TRPC5: variants seen among roughly 807,000 people sequenced by gnomAD.
TRPC5 encodes short transient receptor potential channel 5.
Under a neutral mutation model 56.5 loss-of-function variants are expected in TRPC5, and 9 were observed. The ratio of observed to expected loss-of-function variants is 0.16; its 90% confidence interval spans 0.10 to 0.28. The LOEUF is 0.28. Ranked by LOEUF, TRPC5 falls within the 10% of genes least tolerant of loss-of-function variation. The probability of loss-of-function intolerance (pLI) is 1.00; values close to 1 mark genes in which losing one functional copy is unlikely to be tolerated. For synonymous variants in TRPC5, 282 were observed against 278.5 expected, an observed-to-expected ratio of 1.01 and a Z score of -0.13; for missense variants, 469 against 748.9, an observed-to-expected ratio of 0.63 and a Z score of 4.36.
intron 2 of TRPC5, among the ~76,000 whole-genome samples, chrX:111,913,959 CAA>C (rs55948877): frequency 0.061 from 4,457 of 73,230 alleles, 124 homozygotes; most frequent in African/African-American, 0.11. Context: ...GACTCAGTCT[CAA>C]AAAAAAAAAA....
chrX:111,908,273 A>T (rs1209244162), intron 3 of TRPC5, among the ~76,000 whole-genome samples: 1 of 111,783 alleles, frequency 8.9e-6, no homozygotes, highest in Non-Finnish European at 1.9e-5. Flanking sequence ...ACATTCCTGA[A>T]GCAATGCCTT....
chrX:112,004,048 T>C (rs935226677), intron 1 of TRPC5, among the ~76,000 whole-genome samples: 2 of 112,198 alleles, frequency 1.8e-5, no homozygotes, highest in East Asian at 2.8e-4. Flanking sequence ...ATAATTACCC[T>C]GCAAACTATG....
intron 3 of TRPC5, among the ~76,000 whole-genome samples, chrX:111,863,242 T>G (rs771761965): frequency 2.7e-5 from 3 of 112,097 alleles, no homozygotes. Flanking sequence ...ATCTTCCATA[T>G]TACATGGACT....
chrX:112,053,276 G>A, intron 1 of TRPC5, among the ~76,000 whole-genome samples: 1 of 111,740 alleles, frequency 8.9e-6, no homozygotes, highest in Admixed American at 9.5e-5. Context: ...ATTGGTTTGG[G>A]GAACCTGGCA....
chrX:112,002,859 A>G (rs1024213494), intron 1 of TRPC5, among the ~76,000 whole-genome samples: 2 of 112,370 alleles, frequency 1.8e-5, no homozygotes, highest in Non-Finnish European at 3.8e-5. Context: ...AAACATAAAC[A>G]TTGTGACCAA....
chrX:111,948,073 T>C (rs1418800277), intron 2 of TRPC5, among the ~76,000 whole-genome samples: 1 of 112,771 alleles, frequency 8.9e-6, no homozygotes, highest in African/African-American at 3.2e-5. Context: ...TTAGATTTGA[T>C]GCTGAGTGTT....
At chrX:111,970,469 C>A (rs961575655) in intron 1 of TRPC5, among the ~76,000 whole-genome samples, 1 of 111,086 alleles carries the variant, frequency 9.0e-6, no homozygotes, top group Admixed American at 9.6e-5. Context: ...GCTCTAAAAC[C>A]AGGTCAAGCT....
At chrX:111,931,195 T>G (rs981601798) in intron 2 of TRPC5, 4 of 112,402 alleles carry the variant, frequency 3.6e-5, no homozygotes, top group Non-Finnish European at 7.5e-5. Context: ...TGTTTTACTA[T>G]GTAGAGAAAA....
chrX:111,843,557 T>C (rs1200825024), intron 6 of TRPC5, among the ~76,000 whole-genome samples: 1 of 111,380 alleles, frequency 9.0e-6, no homozygotes, highest in Non-Finnish European at 1.9e-5. Context: ...GCTGAGACAC[T>C]TTCCTGTAGT....
intron 1 of TRPC5, among the ~76,000 whole-genome samples, chrX:111,971,345 G>C (rs1316050482): frequency 9.0e-6 from 1 of 111,586 alleles, no homozygotes; most frequent in East Asian, 2.8e-4. Flanking sequence ...TTGAGATTCA[G>C]TTATCAGTTT....
chrX:111,939,429 T>G (rs1466635439), intron 2 of TRPC5, among the ~76,000 whole-genome samples: 1 of 111,601 alleles, frequency 9.0e-6, no homozygotes, highest in East Asian at 2.8e-4. Context: ...ATTAGAAATA[T>G]TCTCTCCTCC....
chrX:111,858,981 C>T (rs974208719), intron 3 of TRPC5, among the ~76,000 whole-genome samples: 5 of 111,708 alleles, frequency 4.5e-5, no homozygotes, highest in South Asian at 3.7e-4. Context: ...GGACAAGGGG[C>T]GACGTGTTCT....
intron 3 of TRPC5, among the ~76,000 whole-genome samples, chrX:111,909,675 G>A (rs947529795): frequency 9.0e-6 from 1 of 111,232 alleles, no homozygotes; most frequent in African/African-American, 3.3e-5. Flanking sequence ...AAAACCCTGT[G>A]GCACATTCAG....
At chrX:111,883,125 C>G (rs1924310562) in intron 3 of TRPC5, among the ~76,000 whole-genome samples, 1 of 111,025 alleles carries the variant, frequency 9.0e-6, no homozygotes, top group South Asian at 3.8e-4. Context: ...CAGCCTAAGC[C>G]TACTTCCGGT....
At chrX:111,777,025 T>C (rs1399164382) in intron 10 of TRPC5, 23 bp from the exon 11 acceptor site, 5 of 1,090,106 alleles carry the variant, frequency 4.6e-6, no homozygotes, top group East Asian at 3.1e-5. Flanking sequence ...AGGAGACATA[T>C]TATGTCAAGA....
intron 3 of TRPC5, among the ~76,000 whole-genome samples, chrX:111,906,616 T>C (rs1330054490): frequency 8.9e-6 from 1 of 111,816 alleles, no homozygotes; most frequent in African/African-American, 3.2e-5. Flanking sequence ...CTGTGTGAAA[T>C]ACAGCTTTTA....
chrX:111,974,576 A>G (rs1360704147), intron 1 of TRPC5, among the ~76,000 whole-genome samples: 1 of 111,896 alleles, frequency 8.9e-6, no homozygotes, highest in Admixed American at 9.5e-5. Context: ...TACTTGCTGT[A>G]GTCTGATAAT....
At chrX:111,944,062 G>T (rs1234089567) in intron 2 of TRPC5, among the ~76,000 whole-genome samples, 1 of 111,606 alleles carries the variant, frequency 9.0e-6, no homozygotes, top group South Asian at 3.8e-4. Flanking sequence ...TCTGGATTAG[G>T]TAGGGCTAGG....
chrX:111,995,022 AG>A (rs779200423), intron 1 of TRPC5, among the ~76,000 whole-genome samples: 2 of 111,883 alleles, frequency 1.8e-5, no homozygotes, highest in African/African-American at 6.5e-5. Flanking sequence ...GTGGTGAGAG[AG>A]GGCATCCTTG....
Sources: allele counts gnomAD v4.1 joint callset (sites outside exome capture counted in the v4.1 genomes callset), GRCh38; gene constraint gnomAD v4.1.1; transcripts MANE v1.5; gene names NCBI Gene and HGNC (gene_info 2026-07-23, HGNC 2026-07-21).